The following COQ6 variants were observed in gnomAD, a reference collection of about 807,000 sequenced individuals.
COQ6 encodes ubiquinone biosynthesis monooxygenase COQ6, mitochondrial.
In COQ6, 45 loss-of-function variants were observed where a neutral mutation model predicts 55.5. The ratio of observed to expected loss-of-function variants is 0.81; its 90% CI spans 0.64 to 1.04. The LOEUF (loss-of-function observed/expected upper bound fraction) is 1.04. Among genes scored for constraint, COQ6 ranks in the 50% least tolerant of loss-of-function variants. COQ6 has a pLI of 0.00. For missense variants in COQ6, 550 were observed against 601.3 expected (o/e 0.91, Z 0.89); for synonymous variants, 206 against 230.5 (o/e 0.89, Z 0.96).
At chr14:73,950,524 C>T (rs202149557) in intron 1 of COQ6, 29 bp downstream of exon 1, 51 of 1,580,390 alleles carry the variant, frequency 3.2e-5, no homozygotes, top group Middle Eastern at 4.5e-4. Context: ...TACTAGTGGC[C>T]GGAAACCGGG....
At chr14:73,962,265 G>A (rs971805714) in intron 11 of COQ6, among the ~76,000 whole-genome samples, 2 of 152,030 alleles carry the variant, frequency 1.3e-5, no homozygotes, top group African/African-American at 4.8e-5. Flanking sequence ...TAATTTCTTT[G>A]AATTAATTTT....
Position 73,950,508 on chromosome 14 carries a change from C to T in COQ6, c.163+13C>T. 6.3e-7 allele frequency: 1 copy of T among 1,597,830 alleles called. No individual in the cohort carries two copies. The highest frequency in any genetic ancestry group is 8.5e-7 in the Non-Finnish European group (1 of 1,172,516). ...GCCTGTGCCTTGGGTAAGCCCTTCT[C>T]CAGGCTACTAGTGGCCGGAAACCGG... On this transcript the variant is annotated intron_variant, in intron 1 of 11. Coordinates refer to ENST00000334571, the MANE Select transcript of COQ6 (RefSeq NM_182476.3).
rs1444881014 is a variant in COQ6 at position 73,950,434 on chromosome 14, C to G, written c.102C>G (p.Thr34=). ...GGTGGTCCGGCGCCTCAACAGACAC[C>G]GTGTATGACGTGGTGGTGTCGGGTG... ...WRRWSGASTD[T]VYDVVVSGGG... The change falls in exon 1 of 12, where the codon ACC becomes ACG. Residue 34 remains threonine (T), a synonymous_variant. Transcript: ENST00000334571. 6.2e-7 allele frequency: 1 copy of G among 1,607,744 alleles called. No individual in the cohort carries two copies. The highest frequency in any genetic ancestry group is 1.7e-5 in the Admixed American group (1 of 59,376).
chr14:73,955,907 A>G lies in COQ6; in HGVS notation c.460A>G (p.Lys154Glu), dbSNP rs770603782. The G allele has an allele frequency of 6.2e-7, 1 of 1,614,122 alleles. No homozygotes were observed. Among genetic ancestry groups the G allele is most frequent in the Non-Finnish European group, 8.5e-7 (1 of 1,180,018 alleles). Residue 154 changes from lysine to glutamate, a missense_variant, in exon 4 of 12, where the codon AAG becomes GAG. By Grantham distance (56) the Lys-to-Glu change is moderately conservative (BLOSUM62 1). Transcript: ENST00000334571. ...ENDVIMHALT[K>E]QLEAVSDRVT... ...TGATGTCATCATGCATGCTCTCACT[A>G]AGCAGTTGGAGGCTGTGTCTGGTGA...
chr14:73,959,526 A>G lies in COQ6; in HGVS notation c.891+4A>G. ...GGATGCCGTTAACTCTGCCTTTGTG[A>G]GTATCAATTTACCCAGCTGATGATG... On this transcript the variant is annotated splice_donor_region_variant and intron_variant, in intron 8 of 11. Coordinates refer to ENST00000334571, the MANE Select transcript of COQ6 (RefSeq NM_182476.3). The G allele has an allele frequency of 6.2e-7, 1 of 1,613,846 alleles. No individual in the cohort carries two copies. The highest frequency in any genetic ancestry group is 2.2e-5 in the East Asian group (1 of 44,888).
chr14:73,961,722 TC>T lies in COQ6; in HGVS notation c.1211-13del. 1 of 1,614,076 alleles carries T rather than the reference TC, an allele frequency of 6.2e-7. No homozygotes were observed. Among genetic ancestry groups the T allele is most frequent in the Non-Finnish European group, 8.5e-7 (1 of 1,179,956 alleles). On this transcript the variant is annotated splice_polypyrimidine_tract_variant and intron_variant, in intron 10 of 11. Transcript: ENST00000334571. ...ATTATTGGATTAGGGATTTAATCTT[TC>T]CTCTGCCCTTCAGGTTCCGTGAGCC...
intron 8 of COQ6, chr14:73,960,905 G>A (rs1278344544): frequency 9.1e-6 from 5 of 549,972 alleles, no homozygotes; most frequent in Admixed American, 2.9e-5. Context: ...TGGCTGGTGC[G>A]TGGTTATTGA....
chr14:73,952,113 A>AATT, intron 1 of COQ6, among the ~76,000 whole-genome samples: 1 of 119,154 alleles, frequency 8.4e-6, no homozygotes, highest in Non-Finnish European at 1.8e-5. Flanking sequence ...GCTGGAGCTA[A>AATT]CTTTTTTTTT....
intron 4 of COQ6, chr14:73,956,553 C>T (rs568741817): frequency 4.6e-5 from 7 of 153,592 alleles, no homozygotes; most frequent in African/African-American, 1.4e-4. Context: ...TGTAGCCATC[C>T]TGTTGAGAGT....
chr14:73,955,751 T>G, intron 3 of COQ6, 54 bp from the exon 4 acceptor site: 1 of 1,613,526 alleles, frequency 6.2e-7, no homozygotes, highest in Middle Eastern at 1.7e-4. Context: ...TGTTTCTGAT[T>G]GGAGTGATGT....
rs2056696765 is a variant in COQ6 at position 73,961,021 on chromosome 14, C to T, written c.892-152C>T. 6.8e-6 allele frequency: 6 copies of T among 879,444 alleles called. No homozygotes were observed. The Admixed American group carries it at 1.0e-4, about 15-fold the overall frequency. 54.5% of individuals were successfully genotyped at this position (879,444 alleles called of 1,614,324 possible). On this transcript the variant is annotated intron_variant, in intron 8 of 11. Coordinates refer to ENST00000334571, the MANE Select transcript of COQ6 (RefSeq NM_182476.3). ...TGGGGAGTGATGAGAAGTTGCTTTG[C>T]ACTTGAGGGGCTTATCACTTGTCAA...
rs188858270 is a variant in COQ6, at chr14:73,958,317, C to T, written c.612+40C>T. ...TTATTTTGCTAGGGGTCTTGTATAT[C>T]TACATCTTATCCTAGATTCTAGGGA... On this transcript the variant is annotated intron_variant, in intron 5 of 11. Transcript: ENST00000334571. The T allele has an allele frequency of 5.0e-6, 8 of 1,612,814 alleles. No individual in the cohort carries two copies. In the African/African-American group the frequency reaches 8.0e-5, roughly 16 times the overall value.
chr14:73,962,170 A>G (rs1298884695), intron 11 of COQ6, among the ~76,000 whole-genome samples: 1 of 149,866 alleles, frequency 6.7e-6, no homozygotes, highest in African/African-American at 2.5e-5. Context: ...CTGGTCTTGA[A>G]CTCCTGACCT....
Position 73,963,576 on chromosome 14 carries a change from C to A in COQ6, c.*577C>A, listed in dbSNP as rs1302500032. On this transcript the variant is annotated 3_prime_UTR_variant, in exon 12 of 12. Coordinates refer to ENST00000334571, the MANE Select transcript of COQ6 (RefSeq NM_182476.3). ...TTATTTATGGTTCCTCTCTGGGACA[C>A]CACTGTCGGTTTAATAAAACAATAA... 6.4e-6 allele frequency: 1 copy of A among 156,918 alleles called. No individual in the cohort carries two copies. The highest frequency in any genetic ancestry group is 1.4e-5 in the Non-Finnish European group (1 of 71,620). The allele number at this position is 156,918 out of a possible 1,614,324, so 9.7% of individuals were successfully genotyped here.
chr14:73,953,296 C>T (rs924355382), intron 1 of COQ6, 139 bp from the exon 2 acceptor site: 1 of 788,104 alleles, frequency 1.3e-6, no homozygotes, highest in African/African-American at 1.7e-5. Context: ...TTGCTTAGGA[C>T]TCTGCATGGG....
chr14:73,950,265 C>T (rs1453957919), upstream of COQ6: 9 of 1,538,912 alleles, frequency 5.8e-6, no homozygotes, highest in Non-Finnish European at 7.8e-6. Flanking sequence ...GATTGGAGTG[C>T]TCTGCTCCGG....
At position 73,950,381 on chromosome 14, in the gene COQ6, C is replaced by A; in HGVS notation, c.49C>A (p.His17Asn). The change falls in exon 1 of 12, where the codon CAC (histidine) becomes AAC (asparagine). Residue 17 changes from histidine (H) to asparagine (N), a missense_variant. Coordinates refer to ENST00000334571, the MANE Select transcript of COQ6 (RefSeq NM_182476.3). ...SRCGAVRAAP[H>N]SGPLVSWRRW... ...ATGCGGGGCTGTGCGTGCAGCTCCCCACAGCGGCCCGCTGGTGTCCTGGCG... is the reference window on the plus strand; with the variant it reads ...ATGCGGGGCTGTGCGTGCAGCTCCCAACAGCGGCCCGCTGGTGTCCTGGCG... 6.4e-7 allele frequency: 1 copy of A among 1,569,998 alleles called. No homozygotes were observed. The highest frequency in any genetic ancestry group is 8.6e-7 in the Non-Finnish European group (1 of 1,158,742).
At chr14:73,956,688 G>T (rs1252542582) in intron 4 of COQ6, 1 of 152,026 alleles carries the variant, frequency 6.6e-6, no homozygotes, top group Non-Finnish European at 1.5e-5. Context: ...AAAATATTTT[G>T]CCTGTTTTTA....
chr14:73,953,491 A>G lies in COQ6; in HGVS notation c.220A>G (p.Lys74Glu). The change falls in exon 2 of 12, where the codon AAA becomes GAA. Residue 74 changes from lysine to glutamate, a missense_variant. Transcript: ENST00000334571. ...KILLLEAGPKKVLEKLSETYS... is the reference protein window; with the variant it reads ...KILLLEAGPKEVLEKLSETYS... ...CCTGTTGCTCGAAGCAGGTCCAAAG[A>G]AAGTACTGGAGAAATTGTCAGAAAC... The G allele has an allele frequency of 6.2e-7, 1 of 1,614,192 alleles. No homozygotes were observed. Among genetic ancestry groups the G allele is most frequent in the Middle Eastern group, 1.6e-4 (1 of 6,062 alleles).
Sources: gnomAD v4.1 joint callset for allele counts (sites outside exome capture counted in the v4.1 genomes callset) on GRCh38, gnomAD v4.1.1 for gene constraint, MANE v1.5 for transcripts, NCBI Gene and HGNC (gene_info 2026-07-23, HGNC 2026-07-21) for gene names.